Variants in SNU13 observed in about 807,000 individuals in gnomAD.
The protein encoded by SNU13 is small nuclear ribonucleoprotein 13, also known as NHP2-like protein 1.
Under a neutral mutation model 12.4 loss-of-function variants are expected in SNU13, and 2 were observed. The observed-to-expected ratio is 0.16, with a 90% confidence interval of 0.07 to 0.51. The LOEUF is 0.51. SNU13 is among the 20% of genes least tolerant of loss of function. SNU13 has a pLI of 0.96. For missense variants in SNU13, 66 were observed against 157.8 expected (o/e 0.42, Z 3.12); for synonymous variants, 68 against 66.5 (o/e 1.02, Z -0.11).
upstream of SNU13, chr22:41,689,004 T>A (rs1420837879): frequency 1.1e-5 from 14 of 1,318,766 alleles, no homozygotes; most frequent in Admixed American, 3.1e-5. Context: ...AGGAACGTAC[T>A]TTGGCGTTCT....
intron 1 of SNU13, chr22:41,681,693 G>T (rs2068264715): frequency 6.5e-6 from 1 of 153,048 alleles, no homozygotes; most frequent in Non-Finnish European, 1.5e-5. Flanking sequence ...TGGATAAAAT[G>T]ATGTCATTCA....
chr22:41,675,894 G>C, intron 2 of SNU13, among the ~76,000 whole-genome samples: 1 of 151,158 alleles, frequency 6.6e-6, no homozygotes, highest in East Asian at 1.9e-4. Flanking sequence ...GGGATTACAG[G>C]TGCCTGCCAC....
At chr22:41,686,016 C>T (rs1329383890) in intron 1 of SNU13, among the ~76,000 whole-genome samples, 1 of 151,872 alleles carries the variant, frequency 6.6e-6, no homozygotes, top group Non-Finnish European at 1.5e-5. Context: ...CACTATTTTG[C>T]CCTGGGTGGT....
At chr22:41,687,388 T>C (rs2068319863) in intron 1 of SNU13, among the ~76,000 whole-genome samples, 1 of 152,142 alleles carries the variant, frequency 6.6e-6, no homozygotes, top group African/African-American at 2.4e-5. Context: ...TCTCTGGAAA[T>C]CAGGATTCTC....
intron 1 of SNU13, among the ~76,000 whole-genome samples, chr22:41,686,921 AG>A (rs1421670988): frequency 1.4e-5 from 2 of 145,938 alleles, no homozygotes. Flanking sequence ...CACCGTGCCC[AG>A]CTGGAAATTT....
Position 41,674,551 on chromosome 22 carries a change from C to A in SNU13, c.*382G>T. The A allele has an allele frequency of 4.6e-6, 1 of 217,932 alleles. No homozygotes were observed. Among genetic ancestry groups the A allele is most frequent in the Non-Finnish European group, 9.3e-6 (1 of 107,546 alleles). The allele number at this position is 217,932 out of a possible 1,614,324, so 13.5% of individuals were successfully genotyped here. A position where few individuals can be genotyped will look rare whatever the true frequency, so the allele number is the denominator to read the frequency against. On this transcript the variant is annotated 3_prime_UTR_variant, in exon 3 of 3. Transcript: ENST00000401959. Reference sequence around the variant, plus strand: ...CAGGCACAGGGACACACAATGAATGCTGTTTAATTCCACCACACCCCGCAC... The same window carrying A: ...CAGGCACAGGGACACACAATGAATGATGTTTAATTCCACCACACCCCGCAC...
intron 2 of SNU13, among the ~76,000 whole-genome samples, chr22:41,678,045 G>A (rs948846045): frequency 1.4e-4 from 21 of 150,158 alleles, no homozygotes; most frequent in Middle Eastern, 3.4e-3. Flanking sequence ...GTGAGATCTC[G>A]GCTCACTGCA....
chr22:41,678,818 C>G (rs1395194937), intron 2 of SNU13, among the ~76,000 whole-genome samples: 1 of 152,218 alleles, frequency 6.6e-6, no homozygotes, highest in Non-Finnish European at 1.5e-5. Context: ...TCTACTTTAT[C>G]TTCCTTCAGC....
chr22:41,686,021 G>T (rs1262238056), intron 1 of SNU13, among the ~76,000 whole-genome samples: 5 of 151,522 alleles, frequency 3.3e-5, no homozygotes, highest in Admixed American at 1.3e-4. Context: ...TTTTGCCCTG[G>T]GTGGTCTCCA....
upstream of SNU13, chr22:41,690,448 A>G (rs1319372389): frequency 4.2e-6 from 3 of 722,192 alleles, no homozygotes; most frequent in Admixed American, 6.0e-5. Flanking sequence ...CACCAAGAGC[A>G]TGCTAACCAG....
At chr22:41,686,325 G>A (rs62236556) in intron 1 of SNU13, among the ~76,000 whole-genome samples, 49,219 of 145,076 alleles carry the variant, frequency 0.34, 9,217 homozygotes, top group Non-Finnish European at 0.44. Flanking sequence ...TTTTTTAAGA[G>A]ACGGCATCTC....
chr22:41,689,752 C>T (rs1057111553), upstream of SNU13, among the ~76,000 whole-genome samples: 31 of 151,874 alleles, frequency 2.0e-4, no homozygotes, highest in Non-Finnish European at 3.8e-4. Flanking sequence ...CTGAGGCGGG[C>T]GGATCACCTG....
At chr22:41,689,493 C>G (rs780544810), upstream of SNU13, among the ~76,000 whole-genome samples, 1 of 144,548 alleles carries the variant, frequency 6.9e-6, no homozygotes, top group Non-Finnish European at 1.5e-5. Flanking sequence ...CACAGTGAAC[C>G]GTCTCTACTA....
intron 2 of SNU13, among the ~76,000 whole-genome samples, chr22:41,675,541 T>A (rs1034005567): frequency 2.0e-5 from 3 of 149,014 alleles, no homozygotes; most frequent in Non-Finnish European, 4.5e-5. Flanking sequence ...CCTGCCTCAG[T>A]CTCCCAAGCA....
chr22:41,682,087 T>A (rs2068268595), intron 1 of SNU13, among the ~76,000 whole-genome samples: 1 of 152,112 alleles, frequency 6.6e-6, no homozygotes, highest in Non-Finnish European at 1.5e-5. Context: ...GTGTGTAACG[T>A]GCGAATCGCG....
rs1569112638 is a variant in SNU13 at position 41,688,817 on chromosome 22, A to C, written c.-21T>G. On this transcript the variant is annotated 5_prime_UTR_variant, in exon 1 of 3. Transcript: ENST00000401959. ...ACCATGGCTGCGGTTCCGCGGGCTC[A>C]GCACTCCTAGGGGAGCGCAGCTGAC... 1 of 1,599,600 alleles carries C rather than the reference A, an allele frequency of 6.3e-7. No homozygotes were observed. The highest frequency in any genetic ancestry group is 8.5e-7 in the Non-Finnish European group (1 of 1,170,188).
chr22:41,676,081 TCTTAC>T (rs1430734602), intron 2 of SNU13, among the ~76,000 whole-genome samples: 6 of 152,228 alleles, frequency 3.9e-5, no homozygotes, highest in South Asian at 2.1e-4. Flanking sequence ...CACCATCATC[TCTTAC>T]CTTGTCAACT....
intron 1 of SNU13, among the ~76,000 whole-genome samples, chr22:41,684,829 T>G: frequency 6.6e-6 from 1 of 152,046 alleles, no homozygotes; most frequent in Middle Eastern, 3.2e-3. Flanking sequence ...GGCCACACAG[T>G]GAGACCCCCA....
At chr22:41,684,926 G>T (rs943610228) in intron 1 of SNU13, among the ~76,000 whole-genome samples, 2 of 152,104 alleles carry the variant, frequency 1.3e-5, no homozygotes, top group African/African-American at 4.8e-5. Context: ...AGGCCAAGGT[G>T]GGTGGCTCTC....
Sources: allele counts gnomAD v4.1 joint callset (sites outside exome capture counted in the v4.1 genomes callset), GRCh38; gene constraint gnomAD v4.1.1; transcripts MANE v1.5; gene names NCBI Gene and HGNC (gene_info 2026-07-23, HGNC 2026-07-21).